CENPU: variants seen among roughly 807,000 people sequenced by gnomAD.
CENPU encodes centromere protein U, also known as KSHV latent nuclear antigen interacting protein 1.
CENPU carries 46 observed loss-of-function variants against 56.7 expected under a neutral mutation model. That is an observed-to-expected ratio of 0.81 (90% CI 0.64 to 1.04). The LOEUF is 1.04. Ranked by LOEUF, CENPU falls within the 50% of genes least tolerant of loss-of-function variation. CENPU has a pLI of 0.00. For synonymous variants in CENPU, 166 were observed against 163.0 expected (o/e 1.02, Z -0.14); for missense variants, 510 against 490.1 (o/e 1.04, Z -0.38).
In CENPU at chr4:184,694,433, T is replaced by C. The variant is rs1760007456; in HGVS notation, c.*855A>G. 4 of 1,487,650 alleles carry C rather than the reference T, an allele frequency of 2.7e-6. No individual in the cohort carries two copies. 92.2% of individuals were successfully genotyped at this position (1,487,650 alleles called of 1,614,324 possible). ...CTTTAGTATCTGTCACTTAATACCT[T>C]ACTTCAACATAGAGTATAAGGTTAA... On this transcript the variant is annotated 3_prime_UTR_variant, in exon 13 of 13. Transcript: ENST00000281453.
In CENPU at chr4:184,734,062, T is replaced by TG. The variant is rs1561152104; in HGVS notation, c.-1dup. 1 of 1,559,158 alleles carries TG rather than the reference T, an allele frequency of 6.4e-7. No homozygotes were observed. Among genetic ancestry groups the TG allele is most frequent in the Middle Eastern group, 1.7e-4 (1 of 5,756 alleles). ...GGCCGCCGCCGCCCCCGCGGGGCCATGGTGCCGCTCTCCGCTCTCGAGCGA... is the reference window on the plus strand; with the variant it reads ...GGCCGCCGCCGCCCCCGCGGGGCCATGGGTGCCGCTCTCCGCTCTCGAGCGA... On this transcript the variant is annotated 5_prime_UTR_variant, in exon 1 of 13. Coordinates refer to ENST00000281453, the MANE Select transcript of CENPU (RefSeq NM_024629.4).
At position 184,730,961 on chromosome 4, in the gene CENPU, G is replaced by T; in HGVS notation, c.55C>A (p.Arg19Ser). The T allele has an allele frequency of 6.3e-7, 1 of 1,576,506 alleles. No homozygotes were observed. ...GTTCTTTCTAAAGTGTTCTTTGAAC[G>T]TCTTGCGCTATTAAACAGCAAAAAA... ...PRPHRSEGAR[R>S]SKNTLERTHS... Residue 19 changes from arginine (R) to serine (S), a missense_variant, in exon 2 of 13, where the codon CGT becomes AGT. Transcript: ENST00000281453.
Position 184,710,328 on chromosome 4 carries a change from C to A in CENPU, c.689-148G>T, listed in dbSNP as rs1465943881. The A allele has an allele frequency of 1.1e-5, 6 of 522,270 alleles. No homozygotes were observed. The East Asian group carries it at 1.8e-4, about 16-fold the overall frequency. The allele number at this position is 522,270 out of a possible 1,614,324, so 32.4% of individuals were successfully genotyped here. On this transcript the variant is annotated intron_variant, in intron 7 of 12. Transcript: ENST00000281453. ...CAGAGAGGAGGTGCCGTACTCACTT[C>A]TTATCCCTGTGCACAGTCTCGCAAA... is the stretch of plus-strand genomic sequence containing the variant.
Position 184,695,406 on chromosome 4 carries a change from T to G in CENPU, c.1144-5A>C, listed in dbSNP as rs770684104. 11 of 1,593,374 alleles carry G rather than the reference T, an allele frequency of 6.9e-6. No individual in the cohort carries two copies. Among genetic ancestry groups the G allele is most frequent in the Admixed American group, 3.3e-5 (2 of 59,918 alleles). The stretch of plus-strand genomic sequence containing the variant: ...TGGAAGGCTGGATGAATCATACTGT[T>G]GAAAGAAAATTATATAATTAGCAAT... On this transcript the variant is annotated splice_region_variant and splice_polypyrimidine_tract_variant and intron_variant, in intron 12 of 12. Coordinates refer to ENST00000281453, the MANE Select transcript of CENPU (RefSeq NM_024629.4).
chr4:184,716,261 C>T (rs1172851214), intron 6 of CENPU, 136 bp downstream of exon 6: 4 of 672,874 alleles, frequency 5.9e-6, no homozygotes, highest in African/African-American at 3.6e-5. Flanking sequence ...CTAAAACAAA[C>T]ATCTTTATTA....
At chr4:184,733,364 T>A (rs1023668348) in intron 1 of CENPU, 9 of 987,960 alleles carry the variant, frequency 9.1e-6, no homozygotes, top group Non-Finnish European at 9.6e-6. Flanking sequence ...TCTTGGCGTA[T>A]GGCTTTGTGC....
At chr4:184,703,429 A>G (rs1368608343) in intron 8 of CENPU, among the ~76,000 whole-genome samples, 2 of 152,202 alleles carry the variant, frequency 1.3e-5, no homozygotes, top group East Asian at 3.8e-4. Context: ...TCTGGTGGCC[A>G]GGCTCTGATT....
At chr4:184,729,078 A>G in intron 2 of CENPU, 43 bp from the exon 3 acceptor site, 1 of 1,407,698 alleles carries the variant, frequency 7.1e-7, no homozygotes, top group Non-Finnish European at 1.0e-6. Flanking sequence ...GCTCTCACAA[A>G]GAACAATAGG....
intron 1 of CENPU, among the ~76,000 whole-genome samples, chr4:184,733,642 A>C (rs913940269): frequency 6.6e-6 from 1 of 152,354 alleles, no homozygotes; most frequent in African/African-American, 2.4e-5. Context: ...ACTGATTCCC[A>C]GTCAGAGAAT....
chr4:184,705,765 C>T (rs370017668), intron 8 of CENPU, among the ~76,000 whole-genome samples: 31 of 152,246 alleles, frequency 2.0e-4, no homozygotes, highest in African/African-American at 7.0e-4. Context: ...TGTATATACA[C>T]AATACACAGC....
chr4:184,720,793 CT>C (rs1434835553), intron 4 of CENPU, among the ~76,000 whole-genome samples: 2 of 152,070 alleles, frequency 1.3e-5, no homozygotes, highest in Non-Finnish European at 2.9e-5. Context: ...TGAAAATACC[CT>C]TCAAACATGA....
chr4:184,726,750 A>G (rs1761464080), intron 3 of CENPU, among the ~76,000 whole-genome samples: 1 of 145,082 alleles, frequency 6.9e-6, no homozygotes, highest in South Asian at 2.1e-4. Flanking sequence ...ACAGATGAGT[A>G]GATAAAAATA....
intron 12 of CENPU, among the ~76,000 whole-genome samples, chr4:184,696,039 G>C (rs1477611607): frequency 1.3e-5 from 2 of 152,114 alleles, no homozygotes; most frequent in Non-Finnish European, 2.9e-5. Flanking sequence ...CAAACTTCCA[G>C]TTGCAAATTG....
chr4:184,703,706 G>A (rs1760623188), intron 8 of CENPU, among the ~76,000 whole-genome samples: 2 of 152,188 alleles, frequency 1.3e-5, no homozygotes, highest in Admixed American at 6.5e-5. Flanking sequence ...AATATCAATT[G>A]TACACCAATG....
At chr4:184,697,531 G>C in intron 12 of CENPU, 116 bp downstream of exon 12, 1 of 929,372 alleles carries the variant, frequency 1.1e-6, no homozygotes, top group Non-Finnish European at 1.6e-6. Context: ...ATTTTAGGTG[G>C]ACTCTGTAAT....
chr4:184,721,398 A>G (rs1199587916), intron 4 of CENPU, among the ~76,000 whole-genome samples: 2 of 151,126 alleles, frequency 1.3e-5, no homozygotes, highest in African/African-American at 4.9e-5. Context: ...CTGCTTAGCA[A>G]TAACACTGAA....
intron 11 of CENPU, among the ~76,000 whole-genome samples, chr4:184,700,107 C>G (rs1029709418): frequency 6.6e-6 from 1 of 152,136 alleles, no homozygotes; most frequent in African/African-American, 2.4e-5. Context: ...GTTTTACTAC[C>G]AAGCCTCTAG....
In CENPU at chr4:184,694,733, TG is replaced by T. The variant is rs1480269638; in HGVS notation, c.*554del. The T allele has an allele frequency of 1.9e-6, 3 of 1,611,542 alleles. No individual in the cohort carries two copies. In the African/African-American group the frequency reaches 4.0e-5, roughly 22 times the overall value. The stretch of plus-strand genomic sequence containing the variant: ...AGTCTTCTCAGTTATAACAGTGAAG[TG>T]GATGAAATTCCTGATGAACTAATTA... On this transcript the variant is annotated 3_prime_UTR_variant, in exon 13 of 13. Transcript: ENST00000281453.
At chr4:184,724,030 C>T (rs759612955) in intron 4 of CENPU, among the ~76,000 whole-genome samples, 18 of 151,808 alleles carry the variant, frequency 1.2e-4, no homozygotes, top group East Asian at 5.8e-4. Context: ...TTTGGGAGGC[C>T]GAGGTGGGCA....
Sources: allele counts gnomAD v4.1 joint callset (sites outside exome capture counted in the v4.1 genomes callset), GRCh38; gene constraint gnomAD v4.1.1; transcripts MANE v1.5; gene names NCBI Gene and HGNC (gene_info 2026-07-23, HGNC 2026-07-21).